Variants in DOK4 observed in about 807,000 individuals in gnomAD.
The protein encoded by DOK4 is docking protein 4.
In DOK4, 26 loss-of-function variants were observed where a neutral mutation model predicts 40.1. The observed-to-expected ratio is 0.65, with a 90% confidence interval of 0.48 to 0.90. DOK4 has a LOEUF of 0.90. Ranked by LOEUF, DOK4 falls within the 40% of genes least tolerant of loss-of-function variation. The pLI is 0.00. For synonymous variants in DOK4, 179 were observed against 177.0 expected, an observed-to-expected ratio of 1.01 and a Z score of -0.09; for missense variants, 392 against 437.2, an observed-to-expected ratio of 0.90 and a Z score of 0.92.
Position 57,479,621 on chromosome 16 carries a change from C to CCCCT in DOK4, c.-115_-114insAGGG. 1 of 1,127,142 alleles carries CCCCT rather than the reference C, an allele frequency of 8.9e-7. No homozygotes were observed. Among genetic ancestry groups the CCCCT allele is most frequent in the Non-Finnish European group, 1.3e-6 (1 of 762,722 alleles). 69.8% of individuals were successfully genotyped at this position (1,127,142 alleles called of 1,614,324 possible). A position where few individuals can be genotyped will look rare whatever the true frequency, so the allele number is the denominator to read the frequency against. ...TGTTCCAGACACTCTGTCGGGGCTGCCGCGAGGGGCTGCTCCTCACCTCAC... is the reference window on the plus strand; with the variant it reads ...TGTTCCAGACACTCTGTCGGGGCTGCCCCTCGCGAGGGGCTGCTCCTCACCTCAC... On this transcript the variant is annotated 5_prime_UTR_variant, in exon 2 of 9. Transcript: ENST00000340099. The surrounding 1 kb of genome is among the most constrained non-coding windows in gnomAD (Gnocchi z 5.8).
chr16:57,475,633 C>G lies in DOK4; in HGVS notation c.175-13G>C. 2 of 1,543,410 alleles carry G rather than the reference C, an allele frequency of 1.3e-6. No individual in the cohort carries two copies. Among genetic ancestry groups the G allele is most frequent in the Non-Finnish European group, 8.8e-7 (1 of 1,134,124 alleles). On this transcript the variant is annotated splice_polypyrimidine_tract_variant and intron_variant, in intron 3 of 8. Coordinates refer to ENST00000340099, the Ensembl canonical transcript of DOK4. ...TGATCTCAGTCACCTGGGACAGCAT[C>G]CACAAGGGACTTAGCCAGGCCAGTG...
At chr16:57,480,205 C>G (rs1471767282) in intron 1 of DOK4, 1 of 152,196 alleles carries the variant, frequency 6.6e-6, no homozygotes, top group South Asian at 2.1e-4. Context: ...TGAGTGAACC[C>G]CATGCTCTGC....
exon 6 of DOK4, chr16:57,474,958 G>T: frequency 6.2e-7 from 1 of 1,612,030 alleles, no homozygotes; most frequent in Non-Finnish European, 8.5e-7. Flanking sequence ...GTTGGGGCAG[G>T]GCAGCAGGAA....
chr16:57,485,483 C>T lies in DOK4; in HGVS notation c.-182+822G>A, dbSNP rs73563321. ...CAGGAAAGAACCTGCCCTAAGCAAG[C>T]CCACCTCACACTGCCCAAGTGGAGT... On this transcript the variant is annotated intron_variant, in intron 1 of 8. Coordinates refer to ENST00000340099, the Ensembl canonical transcript of DOK4. The surrounding 1 kb of genome is among the most constrained non-coding windows in gnomAD (Gnocchi z 4.3). Among the ~76,000 whole-genome samples, 16,058 of 152,152 alleles carry T rather than the reference C, an allele frequency of 0.11. 922 individuals are homozygous for T. The highest frequency in any genetic ancestry group is 0.13 in the African/African-American group (5,403 of 41,494).
intron 2 of DOK4, among the ~76,000 whole-genome samples, chr16:57,478,237 T>G (rs1248370399): frequency 6.6e-6 from 1 of 152,134 alleles, no homozygotes; most frequent in African/African-American, 2.4e-5. Context: ...TCAACTAGGT[T>G]GAGCCCCAGG....
intron 2 of DOK4, among the ~76,000 whole-genome samples, chr16:57,476,589 C>T (rs762575115): frequency 3.9e-5 from 6 of 152,174 alleles, no homozygotes; most frequent in Non-Finnish European, 8.8e-5. Flanking sequence ...ACAAAGGTAA[C>T]CCCCACTCTT....
At position 57,479,393 on chromosome 16, in the gene DOK4, C is replaced by CG. The variant is rs776615924; in HGVS notation, c.66+48dup. ...GCCTCCAAGCCTGGGACCGAGTCCT[C>CG]GGGCCCCCATCCCTTGGCAGGGCCC... On this transcript the variant is annotated intron_variant, in intron 2 of 8. Coordinates refer to ENST00000340099, the Ensembl canonical transcript of DOK4. The surrounding 1 kb of genome is among the most constrained non-coding windows in gnomAD (Gnocchi z 5.8). The CG allele has an allele frequency of 1.2e-6, 2 of 1,603,228 alleles. No homozygotes were observed. Among genetic ancestry groups the CG allele is most frequent in the Non-Finnish European group, 1.7e-6 (2 of 1,173,634 alleles).
chr16:57,475,933 A>G (rs1403310153), exon 3 of DOK4: 2 of 1,612,984 alleles, frequency 1.2e-6, no homozygotes, highest in Non-Finnish European at 1.7e-6. Context: ...GATTTCCGGA[A>G]CACCAGCCAG....
In DOK4 at chr16:57,479,432, G is replaced by T; in HGVS notation, c.66+10C>A. On this transcript the variant is annotated intron_variant, in intron 2 of 8. Transcript: ENST00000340099. This position sits in a 1 kb window ranked among gnomAD's most constrained non-coding sequence, Gnocchi z 5.8. The stretch of plus-strand genomic sequence containing the variant: ...TTGGCAGGGCCCCTCCGCAGCTCAG[G>T]GTCACTCACCCCGAGCTTCCTGCTC... 1 of 1,613,344 alleles carries T rather than the reference G, an allele frequency of 6.2e-7. No individual in the cohort carries two copies. Among genetic ancestry groups the T allele is most frequent in the African/African-American group, 1.3e-5 (1 of 75,042 alleles).
exon 9 of DOK4, chr16:57,473,273 TC>T: frequency 6.8e-7 from 1 of 1,465,316 alleles, no homozygotes; most frequent in African/African-American, 1.4e-5. Context: ...GCTCCCTTTC[TC>T]CAGGCTCTTG....
chr16:57,475,780 C>G (rs2031148077), intron 3 of DOK4, 70 bp downstream of exon 3: 1 of 1,366,662 alleles, frequency 7.3e-7, no homozygotes, highest in African/African-American at 1.4e-5. Flanking sequence ...TCTCTCCCCT[C>G]TCTCCCTCTC....
At chr16:57,486,557 CG>C (rs2031548798), upstream of DOK4, 1 of 150,766 alleles carries the variant, frequency 6.6e-6, no homozygotes, top group Non-Finnish European at 1.5e-5. Flanking sequence ...CCCTGGCGGC[CG>C]GCCCCCGCCG....
At chr16:57,475,591 A>G (rs1378187531) in exon 4 of DOK4, 1 of 1,606,230 alleles carries the variant, frequency 6.2e-7, no homozygotes, top group Non-Finnish European at 8.5e-7. Context: ...GGAGCCGCGT[A>G]ACACACTTGA....
exon 6 of DOK4, chr16:57,474,897 G>A: frequency 6.2e-7 from 1 of 1,614,186 alleles, no homozygotes. Context: ...TGTCCCAGAG[G>A]TAGATGTTCT....
intron 4 of DOK4, 138 bp from the exon 5 acceptor site, chr16:57,475,357 A>T: frequency 6.8e-7 from 1 of 1,464,568 alleles, no homozygotes; most frequent in Non-Finnish European, 9.3e-7. Context: ...CTCAACCCTG[A>T]GGGCCTGCTC....
At chr16:57,473,288 G>A (rs577277165) in exon 9 of DOK4, 51 of 1,495,192 alleles carry the variant, frequency 3.4e-5, no homozygotes, top group Admixed American at 6.8e-5. Flanking sequence ...GCTCTTGGCC[G>A]ACAGCCCCCT....
chr16:57,477,983 G>T (rs959061979), intron 2 of DOK4, among the ~76,000 whole-genome samples: 2 of 152,254 alleles, frequency 1.3e-5, no homozygotes, highest in Non-Finnish European at 2.9e-5. Flanking sequence ...CCAAGTGGCT[G>T]CCCTTGTGGC....
chr16:57,481,469 C>T (rs1028448144), intron 1 of DOK4: 6 of 152,418 alleles, frequency 3.9e-5, no homozygotes, highest in Admixed American at 6.5e-5. Context: ...CACCTGGGCT[C>T]TGGCAGCCAG....
At position 57,479,316 on chromosome 16, in the gene DOK4, C is replaced by T; in HGVS notation, c.66+126G>A. 8 of 1,075,076 alleles carry T rather than the reference C, an allele frequency of 7.4e-6. No homozygotes were observed. Among genetic ancestry groups the T allele is most frequent in the Non-Finnish European group, 1.1e-5 (8 of 734,174 alleles). The allele number at this position is 1,075,076 out of a possible 1,614,324, so 66.6% of individuals were successfully genotyped here. ...ACGCTGGCGAGGAGCCCCGAGACCACAGATGCACGATGCCCGGCAGCCGGA... is the reference window on the plus strand; with the variant it reads ...ACGCTGGCGAGGAGCCCCGAGACCATAGATGCACGATGCCCGGCAGCCGGA... On this transcript the variant is annotated intron_variant, in intron 2 of 8. Coordinates refer to ENST00000340099, the Ensembl canonical transcript of DOK4. The surrounding 1 kb of genome is among the most constrained non-coding windows in gnomAD (Gnocchi z 5.8).
Sources: gnomAD v4.1 joint callset for allele counts (sites outside exome capture counted in the v4.1 genomes callset) on GRCh38, gnomAD v4.1.1 for gene constraint, Gnocchi (gnomAD v3.1) non-coding constraint, MANE v1.5 for transcripts, NCBI Gene and HGNC (gene_info 2026-07-23, HGNC 2026-07-21) for gene names.